XPC: variants seen among roughly 807,000 people sequenced by gnomAD.
XPC encodes XPC complex subunit, DNA damage recognition and repair factor, also known as DNA repair protein complementing XP-C cells.
XPC carries 76 observed loss-of-function variants against 95.8 expected under a neutral mutation model. That is an observed-to-expected ratio of 0.79 (90% confidence interval 0.66 to 0.96). The LOEUF (loss-of-function observed/expected upper bound fraction) is 0.96, where lower values mean the gene tolerates loss of function less well. Among genes scored for constraint, XPC ranks in the 40% least tolerant of loss-of-function variants. XPC has a pLI of 0.00. For missense variants in XPC, 1,146 were observed against 1,179.8 expected, an observed-to-expected ratio of 0.97 and a Z score of 0.42; for synonymous variants, 442 against 442.1, an observed-to-expected ratio of 1.00 and a Z score of 0.00.
chr3:14,147,346 A>G lies in XPC; in HGVS notation c.2548T>C (p.Leu850=). Residue 850 remains leucine, a synonymous_variant, in exon 15 of 16, where the codon TTG becomes CTG. Coordinates refer to ENST00000285021, the MANE Select transcript of XPC (RefSeq NM_004628.5). ...KEKRALGNWK[L]LAKGLLIRER... is the part of the protein sequence containing the mutation. ...CTGATGAGCAGACCTTTGGCCAGCAACTTCCAGTTCCCTAGAGCCCGCTTC... is the reference window on the plus strand; with the variant it reads ...CTGATGAGCAGACCTTTGGCCAGCAGCTTCCAGTTCCCTAGAGCCCGCTTC... 1 of 1,611,888 alleles carries G rather than the reference A, an allele frequency of 6.2e-7. No individual in the cohort carries two copies. Among genetic ancestry groups the G allele is most frequent in the Non-Finnish European group, 8.5e-7 (1 of 1,179,074 alleles).
chr3:14,150,012 C>A (rs1198885833), intron 11 of XPC: 3 of 152,248 alleles, frequency 2.0e-5, no homozygotes, highest in Non-Finnish European at 4.4e-5. Flanking sequence ...GTGACAAGAA[C>A]CAGGATTTAC....
intron 14 of XPC, 198 bp from the exon 15 acceptor site, chr3:14,147,577 G>A (rs55928766): frequency 3.2e-5 from 20 of 629,324 alleles, no homozygotes; most frequent in Non-Finnish European, 5.4e-5. Context: ...CACAAAAACA[G>A]ATAACTTTTT....
intron 9 of XPC, 147 bp downstream of exon 9, chr3:14,157,864 C>T: frequency 2.5e-6 from 3 of 1,202,008 alleles, no homozygotes; most frequent in Non-Finnish European, 3.4e-6. Context: ...GCAGCAACTG[C>T]CCCAGCTTTA....
At chr3:14,155,712 C>T (rs1275307859) in intron 10 of XPC, among the ~76,000 whole-genome samples, 1 of 152,170 alleles carries the variant, frequency 6.6e-6, no homozygotes, top group Admixed American at 6.5e-5. Context: ...GCACCCGCCA[C>T]CACACCCGGC....
intron 1 of XPC, among the ~76,000 whole-genome samples, chr3:14,173,769 T>C (rs1210412022): frequency 2.0e-5 from 3 of 152,170 alleles, no homozygotes; most frequent in African/African-American, 7.2e-5. Flanking sequence ...ATTAATAGAT[T>C]AGTTTTAACA....
rs1553604262 is a variant in XPC, at chr3:14,146,224, A to G, written c.2605-65T>C. The G allele has an allele frequency of 2.1e-6, 3 of 1,454,734 alleles. No individual in the cohort carries two copies. The South Asian group carries it at 3.7e-5, about 18-fold the overall frequency. 90.1% of individuals were successfully genotyped at this position (1,454,734 alleles called of 1,614,324 possible). On this transcript the variant is annotated intron_variant, in intron 15 of 15. Coordinates refer to ENST00000285021, the MANE Select transcript of XPC (RefSeq NM_004628.5). ...TAGTAATCAGATACCAGGAAGCCCC[A>G]TGAAGAGGCAGCAAGTTCCCAGCCT... is the stretch of plus-strand genomic sequence containing the variant.
At chr3:14,176,847 T>C (rs1696837816) in intron 1 of XPC, among the ~76,000 whole-genome samples, 1 of 152,244 alleles carries the variant, frequency 6.6e-6, no homozygotes. Context: ...ATGCCTGTAA[T>C]CCCAACACTT....
chr3:14,175,104 T>C (rs550977263), intron 1 of XPC, among the ~76,000 whole-genome samples: 331 of 152,226 alleles, frequency 2.2e-3, no homozygotes, highest in Admixed American at 4.8e-3. Context: ...CTCAGGCCCT[T>C]GCTCACTTCT....
chr3:14,171,075 TAGAC>T (rs1222503623), intron 2 of XPC, among the ~76,000 whole-genome samples: 17 of 152,274 alleles, frequency 1.1e-4, no homozygotes, highest in East Asian at 3.9e-4. Context: ...ACAAGAGACA[TAGAC>T]AGCTAGCTAG....
chr3:14,168,241 A>C lies in XPC; in HGVS notation c.536+16T>G. 1 of 1,595,348 alleles carries C rather than the reference A, an allele frequency of 6.3e-7. No individual in the cohort carries two copies. Among genetic ancestry groups the C allele is most frequent in the Non-Finnish European group, 8.5e-7 (1 of 1,173,554 alleles). ...CTGCATGTGACAGGAGCCTAGAAGC[A>C]AGGGCCTAAGCTTACCTTCTTTCTC... On this transcript the variant is annotated intron_variant, in intron 4 of 15. Coordinates refer to ENST00000285021, the MANE Select transcript of XPC (RefSeq NM_004628.5).
At position 14,147,270 on chromosome 3, in the gene XPC, T is replaced by C. The variant is rs201760196; in HGVS notation, c.2604+20A>G. The C allele has an allele frequency of 9.4e-6, 15 of 1,598,736 alleles. No homozygotes were observed. In the African/African-American group the frequency reaches 1.6e-4, roughly 17 times the overall value. Reference sequence around the variant, plus strand: ...AAACTGACCCTGAGCTTGTCTTCTCTGCAAAGAACCTGCACTGACCTTGGG... The same window carrying C: ...AAACTGACCCTGAGCTTGTCTTCTCCGCAAAGAACCTGCACTGACCTTGGG... On this transcript the variant is annotated intron_variant, in intron 15 of 15. Transcript: ENST00000285021.
At chr3:14,174,881 TAG>T (rs1313389629) in intron 1 of XPC, among the ~76,000 whole-genome samples, 1 of 152,040 alleles carries the variant, frequency 6.6e-6, no homozygotes, top group Non-Finnish European at 1.5e-5. Flanking sequence ...CCTAAGCATC[TAG>T]AGACTCTTTT....
intron 1 of XPC, among the ~76,000 whole-genome samples, chr3:14,173,488 C>T (rs1390205329): frequency 3.9e-5 from 6 of 152,202 alleles, no homozygotes; most frequent in Non-Finnish European, 5.9e-5. Flanking sequence ...TTTACCACAA[C>T]ATCATTACTA....
At chr3:14,175,601 T>C (rs1696783900) in intron 1 of XPC, among the ~76,000 whole-genome samples, 1 of 152,202 alleles carries the variant, frequency 6.6e-6, no homozygotes, top group Admixed American at 6.5e-5. Flanking sequence ...AAGGAATTAA[T>C]GGATATCACT....
intron 11 of XPC, among the ~76,000 whole-genome samples, chr3:14,150,767 C>T (rs1426559549): frequency 1.3e-5 from 2 of 152,216 alleles, no homozygotes; most frequent in East Asian, 3.8e-4. Flanking sequence ...AAAACAGGTC[C>T]CGCCTGAGCA....
At chr3:14,171,396 G>T (rs1329541502) in intron 2 of XPC, among the ~76,000 whole-genome samples, 1 of 152,122 alleles carries the variant, frequency 6.6e-6, no homozygotes, top group Non-Finnish European at 1.5e-5. Flanking sequence ...TAGCAGAAAT[G>T]ACCACAGTCA....
At chr3:14,154,139 C>G (rs761644551) in intron 10 of XPC, among the ~76,000 whole-genome samples, 1 of 152,086 alleles carries the variant, frequency 6.6e-6, no homozygotes, top group Non-Finnish European at 1.5e-5. Context: ...CAGAAAGTAA[C>G]AAGTGTCAGT....
chr3:14,152,056 T>C (rs1441447520), intron 11 of XPC, among the ~76,000 whole-genome samples: 1 of 152,176 alleles, frequency 6.6e-6, no homozygotes, highest in African/African-American at 2.4e-5. Flanking sequence ...TTCCAACCTG[T>C]AGAACCTTTG....
intron 2 of XPC, among the ~76,000 whole-genome samples, chr3:14,172,313 C>CT (rs1245364258): frequency 2.6e-5 from 4 of 152,084 alleles, no homozygotes; most frequent in African/African-American, 9.7e-5. Context: ...ATCACACTCC[C>CT]TAGAAGCGCT....
Sources: gnomAD v4.1 joint callset for allele counts (sites outside exome capture counted in the v4.1 genomes callset) on GRCh38, gnomAD v4.1.1 for gene constraint, MANE v1.5 for transcripts, NCBI Gene and HGNC (gene_info 2026-07-23, HGNC 2026-07-21) for gene names.